The following TMEM237 variants were observed in gnomAD, a reference collection of about 807,000 sequenced individuals.
TMEM237 encodes amyotrophic lateral sclerosis 2 (juvenile) chromosome region, candidate 4.
Under a neutral mutation model 59.1 loss-of-function variants are expected in TMEM237, and 51 were observed. That is an observed-to-expected ratio of 0.86 (90% CI 0.69 to 1.09). TMEM237 has a LOEUF of 1.09. TMEM237 is among the 50% of genes least tolerant of loss of function. The probability of loss-of-function intolerance (pLI) is 0.00; values close to 1 mark genes in which losing one functional copy is unlikely to be tolerated. For missense variants in TMEM237, 475 were observed against 478.3 expected, an observed-to-expected ratio of 0.99 and a Z score of 0.06; for synonymous variants, 140 against 166.1, an observed-to-expected ratio of 0.84 and a Z score of 1.21.
chr2:201,631,341 T>G (rs769789863), intron 7 of TMEM237: 1 of 152,204 alleles, frequency 6.6e-6, no homozygotes, highest in African/African-American at 2.4e-5. Context: ...GAGAAATAAA[T>G]GTCCGTGGTT....
Position 201,621,557 on chromosome 2 carries a change from GAA to G in TMEM237, c.*2696_*2697del, listed in dbSNP as rs1191362229. Reference sequence around the variant, plus strand: ...TACACACAACAGCTGAGATGACTCAGAAAAAAAGAGATCAACAGAAAAAAAGC... The same window carrying G: ...TACACACAACAGCTGAGATGACTCAGAAAAAGAGATCAACAGAAAAAAAGC... On this transcript the variant is annotated 3_prime_UTR_variant, in exon 13 of 13. Coordinates refer to ENST00000409883, the MANE Select transcript of TMEM237 (RefSeq NM_001044385.3). 6.6e-6 allele frequency: 1 copy of G among 152,058 alleles called. No individual in the cohort carries two copies. The highest frequency in any genetic ancestry group is 1.5e-5 in the Non-Finnish European group (1 of 67,930). 9.4% of individuals were successfully genotyped at this position (152,058 alleles called of 1,614,324 possible).
chr2:201,643,278 C>CCCCCCCACA lies in TMEM237; in HGVS notation c.42+80_42+81insTGTGGGGGG. 1.5e-6 allele frequency: 2 copies of CCCCCCCACA among 1,302,782 alleles called. No individual in the cohort carries two copies. Among genetic ancestry groups the CCCCCCCACA allele is most frequent in the Non-Finnish European group, 2.2e-6 (2 of 929,132 alleles). 80.7% of individuals were successfully genotyped at this position (1,302,782 alleles called of 1,614,324 possible). ...AGTGATTCCCAGCTCGTTGGCGCCC[C>CCCCCCCACA]CCCACACACACCCACCCCCACTGCC... On this transcript the variant is annotated intron_variant, in intron 1 of 12. Transcript: ENST00000409883. The surrounding 1 kb of genome is among the most constrained non-coding windows in gnomAD (Gnocchi z 4.3).
intron 12 of TMEM237, 26 bp downstream of exon 12, chr2:201,626,000 C>T (rs1957755021): frequency 3.2e-6 from 5 of 1,552,582 alleles, no homozygotes; most frequent in Non-Finnish European, 4.4e-6. Flanking sequence ...TCAGGATATT[C>T]TTATGCTATT....
chr2:201,633,348 C>T lies in TMEM237; in HGVS notation c.358G>A (p.Glu120Lys). 1 of 1,597,960 alleles carries T rather than the reference C, an allele frequency of 6.3e-7. No individual in the cohort carries two copies. The highest frequency in any genetic ancestry group is 8.5e-7 in the Non-Finnish European group (1 of 1,171,898). The change falls in exon 6 of 13, where the codon GAG (glutamate) becomes AAG (lysine). Residue 120 changes from glutamate (E) to lysine (K), a missense_variant. Coordinates refer to ENST00000409883, the MANE Select transcript of TMEM237 (RefSeq NM_001044385.3). ...CGAGGTTTTTGAATAACTGCCTCCT[C>T]AGCTGGCTCCGCATCAATACCATTT... ...NENGIDAEPAEEAVIQKPRRK... is the reference protein window; with the variant it reads ...NENGIDAEPAKEAVIQKPRRK...
chr2:201,630,363 A>ACATTCCTGTGAAGAACAT (rs1319373286), intron 7 of TMEM237, among the ~76,000 whole-genome samples: 4 of 152,346 alleles, frequency 2.6e-5, no homozygotes, highest in African/African-American at 9.6e-5. Context: ...TCTCTTTAGA[A>ACATTCCTGTGAAGAACAT]CATTCCTGTG....
In TMEM237 at chr2:201,636,761, T is replaced by C. The variant is rs1201130772; in HGVS notation, c.261A>G (p.Thr87=). 1 of 1,575,250 alleles carries C rather than the reference T, an allele frequency of 6.3e-7. No homozygotes were observed. Among genetic ancestry groups the C allele is most frequent in the Admixed American group, 1.9e-5 (1 of 53,484 alleles). ...TTCTTCACATACCAAGAGGTAGCCT[T>C]GTCTTTTTCTGTCTTCTTTGAACAG... ...EAPVQRRQKK[T]RLPLELETSS... is the part of the protein sequence containing the mutation. The change falls in exon 5 of 13, where the codon ACA becomes ACG. Residue 87 remains threonine, a synonymous_variant. Transcript: ENST00000409883.
At chr2:201,628,688 T>C (rs974341635) in intron 9 of TMEM237, among the ~76,000 whole-genome samples, 7 of 152,124 alleles carry the variant, frequency 4.6e-5, no homozygotes, top group Non-Finnish European at 1.0e-4. Flanking sequence ...TGCATGACGA[T>C]AGAGGCAAAT....
In TMEM237 at chr2:201,635,895, T is replaced by A. The variant is rs1687290530; in HGVS notation, c.274+853A>T. 6.6e-6 allele frequency among the ~76,000 whole-genome samples: 1 copy of A among 152,208 alleles called. No homozygotes were observed. The highest frequency in any genetic ancestry group is 1.5e-5 in the Non-Finnish European group (1 of 68,042). ...AACTATGAAAAAATAAACTGTTGTT[T>A]GAAGTCACACAGTTTGTGGTAATTT... On this transcript the variant is annotated intron_variant, in intron 5 of 12. Transcript: ENST00000409883. The surrounding 1 kb of genome is among the most constrained non-coding windows in gnomAD (Gnocchi z 4.5).
intron 4 of TMEM237, among the ~76,000 whole-genome samples, chr2:201,638,035 C>T (rs1265514304): frequency 5.3e-5 from 8 of 152,180 alleles, no homozygotes; most frequent in Admixed American, 5.2e-4. Context: ...GCTAGCAATC[C>T]ATCCTACAGA....
chr2:201,624,372 C>T, intron 12 of TMEM237, 50 bp from the exon 13 acceptor site: 1 of 1,423,926 alleles, frequency 7.0e-7, no homozygotes, highest in Non-Finnish European at 9.8e-7. Context: ...CCCAGTACCT[C>T]CAACAGAGTT....
At position 201,623,140 on chromosome 2, in the gene TMEM237, G is replaced by C. The variant is rs113819473; in HGVS notation, c.*1115C>G. On this transcript the variant is annotated 3_prime_UTR_variant, in exon 13 of 13. Transcript: ENST00000409883. The stretch of plus-strand genomic sequence containing the variant: ...ACTCCAAATTTAGACCTATTGTCAG[G>C]GTCAACTGTCTCTATCATCAATTTG... 184 of 244,074 alleles carry C rather than the reference G, an allele frequency of 7.5e-4. No homozygotes were observed. The highest frequency in any genetic ancestry group is 3.6e-3 in the African/African-American group (161 of 44,764). The allele number at this position is 244,074 out of a possible 1,614,324, so 15.1% of individuals were successfully genotyped here.
intron 1 of TMEM237, 52 bp from the exon 2 acceptor site, chr2:201,640,976 A>T: frequency 6.6e-7 from 1 of 1,526,164 alleles, no homozygotes; most frequent in Middle Eastern, 1.8e-4. Context: ...GAGCATCTTT[A>T]CTTCAAATAC....
At chr2:201,640,720 G>A (rs963414548) in intron 2 of TMEM237, among the ~76,000 whole-genome samples, 173 bp downstream of exon 2, 2 of 151,760 alleles carry the variant, frequency 1.3e-5, no homozygotes, top group East Asian at 3.9e-4. Flanking sequence ...CATTATAACT[G>A]TTATTCTTAA....
chr2:201,631,952 A>G (rs796287656), intron 7 of TMEM237, 99 bp downstream of exon 7: 4 of 1,294,878 alleles, frequency 3.1e-6, no homozygotes, highest in East Asian at 4.6e-5. Context: ...TGTTGTACAC[A>G]GTTTTGCTTA....
chr2:201,636,131 G>T (rs1687293408), intron 5 of TMEM237: 2 of 152,252 alleles, frequency 1.3e-5, no homozygotes, highest in South Asian at 4.1e-4. Context: ...AAATATCTGG[G>T]TCATTACCAA....
rs115324964 is a variant in TMEM237 at position 201,632,576 on chromosome 2, G to C, written c.396-368C>G. Among the ~76,000 whole-genome samples, 6 of 152,270 alleles carry C rather than the reference G, an allele frequency of 3.9e-5. No individual in the cohort carries two copies. In the South Asian group the frequency reaches 1.2e-3, roughly 32 times the overall value. On this transcript the variant is annotated intron_variant, in intron 6 of 12. Transcript: ENST00000409883. ...TGTTCTGGTGATAGTGAGTTCTCAG[G>C]AGATCTGATCGTTTTGTAAGGGGCT...
intron 12 of TMEM237, among the ~76,000 whole-genome samples, chr2:201,625,525 T>A (rs1272401866): frequency 6.6e-6 from 1 of 152,168 alleles, no homozygotes; most frequent in African/African-American, 2.4e-5. Context: ...CCAAAAGGGG[T>A]CTGGGGACTA....
chr2:201,632,769 T>A (rs1245780801), intron 6 of TMEM237, among the ~76,000 whole-genome samples: 2 of 152,232 alleles, frequency 1.3e-5, no homozygotes, highest in African/African-American at 4.8e-5. Flanking sequence ...GTCTCGGGTA[T>A]GTCTTTATTA....
At chr2:201,626,539 A>G (rs1310737233) in intron 11 of TMEM237, among the ~76,000 whole-genome samples, 1 of 149,158 alleles carries the variant, frequency 6.7e-6, no homozygotes, top group African/African-American at 2.5e-5. Context: ...TTGGGGAAAA[A>G]AAAAAAAAAA....
Sources: allele counts gnomAD v4.1 joint callset (sites outside exome capture counted in the v4.1 genomes callset), GRCh38; gene constraint gnomAD v4.1.1; non-coding constraint Gnocchi (gnomAD v3.1); transcripts MANE v1.5; gene names NCBI Gene and HGNC (gene_info 2026-07-23, HGNC 2026-07-21).